The following NRG1 variants were observed in gnomAD, a reference collection of about 807,000 sequenced individuals.
NRG1 encodes neuregulin 1.
Under a neutral mutation model 63.8 loss-of-function variants are expected in NRG1, and 18 were observed. The observed-to-expected ratio is 0.28, with a 90% CI of 0.19 to 0.42. The LOEUF (loss-of-function observed/expected upper bound fraction) is 0.42. Among genes scored for constraint, NRG1 ranks in the 10% least tolerant of loss-of-function variants. NRG1 has a pLI of 1.00. For missense variants in NRG1, 762 were observed against 814.7 expected, an observed-to-expected ratio of 0.94 and a Z score of 0.79; for synonymous variants, 302 against 301.3, an observed-to-expected ratio of 1.00 and a Z score of -0.02.
intron 1 of NRG1, among the ~76,000 whole-genome samples, chr8:32,313,973 T>C (rs542536532): frequency 6.6e-6 from 1 of 152,294 alleles, no homozygotes. Flanking sequence ...AGACACTACT[T>C]TTGGCACCTC....
intron 1 of NRG1, among the ~76,000 whole-genome samples, chr8:32,503,805 A>C (rs1828180277): frequency 1.3e-5 from 2 of 152,134 alleles, no homozygotes; most frequent in African/African-American, 4.8e-5. Context: ...CAGGAATGAA[A>C]GGAAGTAAAG....
intron 1 of NRG1, among the ~76,000 whole-genome samples, chr8:31,647,043 G>T (rs905103667): frequency 1.3e-5 from 2 of 152,168 alleles, no homozygotes; most frequent in African/African-American, 2.4e-5. Context: ...GAAGAGTTTT[G>T]CTGTAGTCTA....
intron 1 of NRG1, among the ~76,000 whole-genome samples, chr8:32,324,186 C>G (rs1801737863): frequency 6.6e-6 from 1 of 152,146 alleles, no homozygotes; most frequent in Non-Finnish European, 1.5e-5. Flanking sequence ...CCAGGCATCT[C>G]TTATGTCCTG....
intron 1 of NRG1, among the ~76,000 whole-genome samples, chr8:31,749,608 G>A (rs1202175047): frequency 1.3e-5 from 2 of 151,218 alleles, no homozygotes; most frequent in African/African-American, 4.9e-5. Context: ...TTTCTTTTGT[G>A]CTTTCTATTT....
chr8:32,446,867 T>G (rs4458837), intron 1 of NRG1, among the ~76,000 whole-genome samples: 67,474 of 151,758 alleles, frequency 0.44, 15,565 homozygotes, highest in East Asian at 0.73. Flanking sequence ...CTGAGAGAAG[T>G]TTAGGGTCAG....
intron 1 of NRG1, among the ~76,000 whole-genome samples, chr8:32,142,284 CT>C (rs1218917718): frequency 6.6e-6 from 1 of 152,108 alleles, no homozygotes; most frequent in Non-Finnish European, 1.5e-5. Context: ...CATAATCCTG[CT>C]TTTTCACTAT....
intron 1 of NRG1, among the ~76,000 whole-genome samples, chr8:31,952,132 T>A (rs12334983): frequency 0.041 from 6,246 of 152,284 alleles, 454 homozygotes; most frequent in African/African-American, 0.14. Flanking sequence ...TATTATAGGA[T>A]GTTTCCTCCA....
At chr8:31,854,541 G>C (rs1476817621) in intron 1 of NRG1, among the ~76,000 whole-genome samples, 1 of 151,422 alleles carries the variant, frequency 6.6e-6, no homozygotes, top group Admixed American at 6.6e-5. Flanking sequence ...TATCAATTTT[G>C]TTGATCCTTT....
intron 1 of NRG1, among the ~76,000 whole-genome samples, chr8:32,199,520 A>G (rs1398998141): frequency 6.6e-6 from 1 of 152,176 alleles, no homozygotes; most frequent in Non-Finnish European, 1.5e-5. Context: ...CCTACATAAG[A>G]CATAAACTCT....
intron 1 of NRG1, among the ~76,000 whole-genome samples, chr8:32,464,078 T>C (rs13250821): frequency 2.0e-5 from 3 of 151,288 alleles, no homozygotes; most frequent in Admixed American, 1.3e-4. Flanking sequence ...GTATTTTTAG[T>C]AGAGACGGAG....
chr8:32,477,654 G>T (rs16879461), intron 1 of NRG1, among the ~76,000 whole-genome samples: 3 of 152,134 alleles, frequency 2.0e-5, no homozygotes, highest in Non-Finnish European at 2.9e-5. Context: ...AACTTTTAAT[G>T]ACTTTTGGAA....
intron 1 of NRG1, among the ~76,000 whole-genome samples, chr8:31,895,539 T>G (rs1831511991): frequency 6.6e-6 from 1 of 152,254 alleles, no homozygotes; most frequent in East Asian, 1.9e-4. Flanking sequence ...CTTATCTGTG[T>G]CTAGGATCAG....
chr8:31,873,334 G>A (rs897967220), intron 1 of NRG1, among the ~76,000 whole-genome samples: 2 of 152,176 alleles, frequency 1.3e-5, no homozygotes, highest in Non-Finnish European at 2.9e-5. Context: ...GCTGATGTGG[G>A]TGGATCACGA....
chr8:32,426,922 TATTAACAATGTA>T (rs1408679759), intron 1 of NRG1, among the ~76,000 whole-genome samples: 1 of 152,168 alleles, frequency 6.6e-6, no homozygotes, highest in African/African-American at 2.4e-5. Context: ...TCTGTGTTTA[TATTAACAATGTA>T]AGAGTTATAC....
intron 7 of NRG1, 25 bp from the exon 8 acceptor site, chr8:32,754,347 G>C: frequency 6.2e-7 from 1 of 1,606,950 alleles, no homozygotes; most frequent in South Asian, 1.1e-5. Context: ...GACCTGTGAT[G>C]ACATCTGCTC....
Position 32,742,187 on chromosome 8 carries a change from C to CT in NRG1, c.633-486dup, listed in dbSNP as rs1296985281. The CT allele has an allele frequency of 1.1e-6, 1 of 876,338 alleles. No individual in the cohort carries two copies. Among genetic ancestry groups the CT allele is most frequent in the Non-Finnish European group, 1.9e-6 (1 of 538,830 alleles). The allele number at this position is 876,338 out of a possible 1,614,324, so 54.3% of individuals were successfully genotyped here. ...CTGATTCATTTTGTTCTAATTATGG[C>CT]TTAACCTCTCAAGGCATAAACCCAT... On this transcript the variant is annotated intron_variant, in intron 6 of 11. Coordinates refer to ENST00000356819, the Ensembl canonical transcript of NRG1. The surrounding 1 kb of genome is among the most constrained non-coding windows in gnomAD (Gnocchi z 4.2).
intron 1 of NRG1, among the ~76,000 whole-genome samples, chr8:32,289,946 T>C (rs920264324): frequency 6.6e-6 from 1 of 152,160 alleles, no homozygotes; most frequent in Non-Finnish European, 1.5e-5. Flanking sequence ...ATTACAAGTA[T>C]ATAAAATATC....
intron 1 of NRG1, among the ~76,000 whole-genome samples, chr8:32,007,687 T>C (rs185725454): frequency 2.4e-4 from 37 of 152,182 alleles, no homozygotes; most frequent in African/African-American, 7.2e-4. Context: ...GCTATGTCAA[T>C]ATGTCAATTC....
At chr8:31,923,333 G>A (rs73673952) in intron 1 of NRG1, among the ~76,000 whole-genome samples, 2,260 of 152,012 alleles carry the variant, frequency 0.015, 47 homozygotes, top group African/African-American at 0.052. Flanking sequence ...TTATGTATCT[G>A]AAAAAATATG....
Sources: allele counts gnomAD v4.1 joint callset (sites outside exome capture counted in the v4.1 genomes callset), GRCh38; gene constraint gnomAD v4.1.1; non-coding constraint Gnocchi (gnomAD v3.1); transcripts MANE v1.5; gene names NCBI Gene and HGNC (gene_info 2026-07-23, HGNC 2026-07-21).